The following AP2A1 variants were observed in gnomAD, a reference collection of about 807,000 sequenced individuals.
AP2A1 encodes the protein AP-2 complex subunit alpha-1.
Under a neutral mutation model 107.3 loss-of-function variants are expected in AP2A1, and 21 were observed. The ratio of observed to expected loss-of-function variants is 0.20; its 90% CI spans 0.14 to 0.28. AP2A1 has a LOEUF of 0.28. Ranked by LOEUF, AP2A1 falls within the 10% of genes least tolerant of loss-of-function variation. The probability of loss-of-function intolerance (pLI) is 1.00; values close to 1 mark genes in which losing one functional copy is unlikely to be tolerated. For synonymous variants in AP2A1, 602 were observed against 564.8 expected (o/e 1.07, Z -0.93); for missense variants, 873 against 1,307.7 (o/e 0.67, Z 5.13).
At chr19:49,787,338 G>GTTTTTTTTTTTTTTTTTTTTT (rs1418425703) in intron 4 of AP2A1, among the ~76,000 whole-genome samples, 1 of 89,732 alleles carries the variant, frequency 1.1e-5, no homozygotes, top group African/African-American at 4.9e-5. Context: ...TTTTTTGTTT[G>GTTTTTTTTTTTTTTTTTTTTT]TTTTTTTTGT....
At position 49,806,077 on chromosome 19, in the gene AP2A1, A is replaced by G. The variant is rs375070448; in HGVS notation, c.2656-42A>G. 8.2e-6 allele frequency: 13 copies of G among 1,592,644 alleles called. No homozygotes were observed. The African/African-American group carries it at 1.8e-4, about 21-fold the overall frequency. On this transcript the variant is annotated intron_variant, in intron 21 of 22. Coordinates refer to ENST00000354293, the MANE Select transcript of AP2A1 (RefSeq NM_130787.3). ...TCTGGGATGCCACTGTGTGGTAACT[A>G]ACAGCTCTGGCACACTCTGACGGCG... is the stretch of plus-strand genomic sequence containing the variant.
intron 16 of AP2A1, 28 bp from the exon 17 acceptor site, chr19:49,803,079 C>A: frequency 1.9e-6 from 3 of 1,613,618 alleles, no homozygotes; most frequent in Non-Finnish European, 2.5e-6. Context: ...CAGGCACCCC[C>A]GTCATCTTGC....
At chr19:49,773,717 T>TTAAGGA (rs1438055307) in intron 1 of AP2A1, among the ~76,000 whole-genome samples, 1 of 151,648 alleles carries the variant, frequency 6.6e-6, no homozygotes, top group Non-Finnish European at 1.5e-5. Flanking sequence ...GGGGATGGAG[T>TTAAGGA]TAAGGATGAT....
intron 4 of AP2A1, among the ~76,000 whole-genome samples, chr19:49,787,109 C>T (rs1383967582): frequency 6.6e-6 from 1 of 151,932 alleles, no homozygotes; most frequent in African/African-American, 2.4e-5. Flanking sequence ...TGGGCTGAAG[C>T]GATCTTCCCA....
chr19:49,798,489 G>A (rs1052066813), intron 7 of AP2A1, among the ~76,000 whole-genome samples: 29 of 152,192 alleles, frequency 1.9e-4, no homozygotes, highest in African/African-American at 7.0e-4. Flanking sequence ...AACCTAAGGA[G>A]CCTCAGAGCT....
intron 1 of AP2A1, among the ~76,000 whole-genome samples, chr19:49,767,907 G>C (rs2084519844): frequency 6.6e-6 from 1 of 152,024 alleles, no homozygotes; most frequent in African/African-American, 2.4e-5. Flanking sequence ...TGAGGGGAAA[G>C]GAGGGACCCA....
At chr19:49,795,608 A>AT in intron 6 of AP2A1, 22 bp from the exon 7 acceptor site, 3 of 917,270 alleles carry the variant, frequency 3.3e-6, no homozygotes, top group Non-Finnish European at 4.6e-6. Flanking sequence ...CCCCCAACTT[A>AT]TTTCTTGCTC....
intron 4 of AP2A1, 184 bp from the exon 5 acceptor site, chr19:49,791,751 G>A (rs867016544): frequency 1.1e-5 from 7 of 639,460 alleles, no homozygotes; most frequent in Middle Eastern, 4.3e-4. Context: ...TCATTTTGCA[G>A]ATGAAGACAC....
Position 49,800,054 on chromosome 19 carries a change from G to A in AP2A1, c.1359G>A (p.Ala453=), listed in dbSNP as rs764028672. 8 of 1,613,924 alleles carry A rather than the reference G, an allele frequency of 5.0e-6. No homozygotes were observed. Among genetic ancestry groups the A allele is most frequent in the Non-Finnish European group, 6.8e-6 (8 of 1,179,890 alleles). ...VDTILNLIRI[A]GDYVSEEVWY... ...CCATCCTCAACCTCATCCGCATTGC[G>A]GGCGACTACGTGAGTGAGGAGGTGT... The change falls in exon 11 of 23, where the codon GCG becomes GCA. Residue 453 remains alanine, a synonymous_variant. Transcript: ENST00000354293.
chr19:49,805,483 C>T lies in AP2A1; in HGVS notation c.2375C>T (p.Ala792Val). Residue 792 changes from alanine (A) to valine (V), a missense_variant, in exon 19 of 23, where the codon GCG becomes GTG. Physicochemically the swap from Ala to Val is moderately conservative, Grantham distance 64. Around this residue, in one of 4 missense-constraint regions of AP2A1, gnomAD observed 416 missense variants for 473.4 expected, o/e 0.88. Transcript: ENST00000354293. ...QLAVQTKRVA[A>V]QVDGGAQVQQ... The stretch of plus-strand genomic sequence containing the variant: ...GCTGTGCAGACCAAGCGCGTGGCGG[C>T]GCAGGTGGACGGCGGCGCGCAGGTG... 1.9e-6 allele frequency: 3 copies of T among 1,552,290 alleles called. No individual in the cohort carries two copies. The South Asian group carries it at 3.6e-5, about 18-fold the overall frequency.
At chr19:49,791,384 C>A (rs7251695) in intron 4 of AP2A1, among the ~76,000 whole-genome samples, 27 of 152,074 alleles carry the variant, frequency 1.8e-4, no homozygotes, top group Non-Finnish European at 2.8e-4. Context: ...CCTGCGCCAC[C>A]ACACCCAGCT....
rs1300344963 is a variant in AP2A1, at chr19:49,803,294, G to A, written c.2262G>A (p.Met754Ile). 6.2e-7 allele frequency: 1 copy of A among 1,613,962 alleles called. No individual in the cohort carries two copies. Among genetic ancestry groups the A allele is most frequent in the Non-Finnish European group, 8.5e-7 (1 of 1,179,892 alleles). The part of the protein sequence containing the change: ...KSEFRQNLGR[M>I]YLFYGNKTSV... ...CTCCCCCACCTACTGCAGGCCGCAT[G>A]TATCTCTTCTATGGCAACAAGACCT... The change falls in exon 18 of 23, where the codon ATG (methionine) becomes ATA (isoleucine). Residue 754 changes from methionine (M) to isoleucine (I), a missense_variant. Physicochemically the swap from Met to Ile is conservative, Grantham distance 10 (BLOSUM62 1). Coordinates refer to ENST00000354293, the MANE Select transcript of AP2A1 (RefSeq NM_130787.3).
chr19:49,780,592 T>C (rs1001278340), intron 1 of AP2A1, among the ~76,000 whole-genome samples: 1 of 151,942 alleles, frequency 6.6e-6, no homozygotes, highest in Non-Finnish European at 1.5e-5. Flanking sequence ...GAGCCCAGGA[T>C]ATGGAAACAC....
chr19:49,802,088 T>C lies in AP2A1; in HGVS notation c.2061T>C (p.Asp687=). The C allele has an allele frequency of 6.3e-7, 1 of 1,591,708 alleles. No homozygotes were observed. Among genetic ancestry groups the C allele is most frequent in the Non-Finnish European group, 8.5e-7 (1 of 1,174,496 alleles). ...GGAACCTTCTGGTGGACGTCTTCGA[T>C]GGCCCGGCCGCCCAGCCCAGCCTGG... ...GAGNLLVDVF[D]GPAAQPSLGP... is the part of the protein sequence containing the mutation. The change falls in exon 15 of 23, where the codon GAT becomes GAC. Residue 687 remains aspartate (D), a synonymous_variant. Transcript: ENST00000354293.
chr19:49,799,203 C>T, intron 8 of AP2A1, 124 bp from the exon 9 acceptor site: 1 of 1,265,898 alleles, frequency 7.9e-7, no homozygotes, highest in Non-Finnish European at 1.1e-6. Context: ...TACTGCGATG[C>T]AAGGCCGGCA....
intron 1 of AP2A1, among the ~76,000 whole-genome samples, chr19:49,772,046 A>G (rs1462770628): frequency 9.9e-5 from 15 of 152,084 alleles, no homozygotes; most frequent in Non-Finnish European, 2.9e-5. Context: ...CCTTGGCAAC[A>G]TAGCAAGACC....
At chr19:49,770,098 AC>A (rs1362808209) in intron 1 of AP2A1, among the ~76,000 whole-genome samples, 1 of 152,122 alleles carries the variant, frequency 6.6e-6, no homozygotes, top group African/African-American at 2.4e-5. Flanking sequence ...CGAACTCCCA[AC>A]CTCAAGTGAT....
At chr19:49,806,631 C>T (rs1170931424) in intron 22 of AP2A1, 50 bp from the exon 23 acceptor site, 3 of 1,610,496 alleles carry the variant, frequency 1.9e-6, no homozygotes, top group Non-Finnish European at 2.5e-6. Flanking sequence ...GTCCCGACTT[C>T]CCTGGGCTCC....
intron 1 of AP2A1, among the ~76,000 whole-genome samples, chr19:49,776,824 C>T (rs1180604385): frequency 2.0e-5 from 3 of 152,234 alleles, no homozygotes; most frequent in East Asian, 3.8e-4. Context: ...ACAACTGCTC[C>T]TGTTTTGAAG....
Sources: gnomAD v4.1 joint callset for allele counts (sites outside exome capture counted in the v4.1 genomes callset) on GRCh38, gnomAD v4.1.1 for gene constraint, gnomAD v4.1.1 regional missense constraint, MANE v1.5 for transcripts, NCBI Gene and HGNC (gene_info 2026-07-23, HGNC 2026-07-21) for gene names.